The following CADM2 variants were observed in gnomAD, a reference collection of about 807,000 sequenced individuals.
The protein encoded by CADM2 is immunoglobulin superfamily member 4D.
CADM2 carries 12 observed loss-of-function variants against 49.8 expected under a neutral mutation model. The observed-to-expected ratio is 0.24, with a 90% CI of 0.15 to 0.39. The LOEUF (loss-of-function observed/expected upper bound fraction) is 0.39. Among genes scored for constraint, CADM2 ranks in the 10% least tolerant of loss-of-function variants. CADM2 has a pLI of 1.00. For missense variants in CADM2, 378 were observed against 492.3 expected, an observed-to-expected ratio of 0.77 and a Z score of 2.20; for synonymous variants, 214 against 175.4, an observed-to-expected ratio of 1.22 and a Z score of -1.74.
intron 1 of CADM2, among the ~76,000 whole-genome samples, chr3:85,541,692 G>C (rs1315798040): frequency 1.3e-4 from 19 of 141,530 alleles, no homozygotes; most frequent in Non-Finnish European, 2.4e-4. Flanking sequence ...ATTGTTGAGG[G>C]AATTAAATTA....
chr3:85,151,856 G>T (rs2039932278), intron 1 of CADM2, among the ~76,000 whole-genome samples: 1 of 152,110 alleles, frequency 6.6e-6, no homozygotes, highest in Non-Finnish European at 1.5e-5. Context: ...AGATTGACTT[G>T]AACAAATCAT....
intron 8 of CADM2, among the ~76,000 whole-genome samples, chr3:85,965,100 A>T (rs1725307117): frequency 6.6e-6 from 1 of 151,498 alleles, no homozygotes; most frequent in Admixed American, 6.6e-5. Flanking sequence ...TTATAGTTTA[A>T]TGTGGAATAT....
intron 1 of CADM2, among the ~76,000 whole-genome samples, chr3:85,507,168 C>A (rs1055134476): frequency 6.7e-6 from 1 of 149,686 alleles, no homozygotes; most frequent in Non-Finnish European, 1.5e-5. Flanking sequence ...GGTTTTTGCC[C>A]TGTCACCCAG....
chr3:85,440,757 C>T (rs9874491), intron 1 of CADM2, among the ~76,000 whole-genome samples: 25,215 of 151,942 alleles, frequency 0.17, 2,604 homozygotes, highest in Non-Finnish European at 0.23. Context: ...CTGAGGCAGG[C>T]GGATCACTTG....
At chr3:85,887,337 C>G (rs1432688694) in intron 5 of CADM2, among the ~76,000 whole-genome samples, 1 of 152,132 alleles carries the variant, frequency 6.6e-6, no homozygotes, top group Non-Finnish European at 1.5e-5. Context: ...CCTGCCTCAG[C>G]CTCCTAAAGT....
chr3:85,840,797 G>T (rs1309303169), intron 3 of CADM2, among the ~76,000 whole-genome samples: 2 of 151,640 alleles, frequency 1.3e-5, no homozygotes. Context: ...ATAGAACTTT[G>T]AAAATAATTA....
At chr3:85,428,651 A>C (rs926702190) in intron 1 of CADM2, among the ~76,000 whole-genome samples, 5 of 146,174 alleles carry the variant, frequency 3.4e-5, no homozygotes, top group African/African-American at 1.2e-4. Context: ...GAATTATATA[A>C]AATATATAAT....
chr3:85,675,238 A>C (rs1384452729), intron 1 of CADM2, among the ~76,000 whole-genome samples: 1 of 152,126 alleles, frequency 6.6e-6, no homozygotes, highest in African/African-American at 2.4e-5. Flanking sequence ...TGAAGGCTCC[A>C]AGTTTCCATT....
In CADM2 at chr3:86,018,475, C is replaced by T. The variant is rs1226396268; in HGVS notation, c.971-47130C>T. Reference sequence around the variant, plus strand: ...CACACTGACTTCCACAATGGTTTAACTAGTTTACAGTCCCACCAACAGTGT... The same window carrying T: ...CACACTGACTTCCACAATGGTTTAATTAGTTTACAGTCCCACCAACAGTGT... On this transcript the variant is annotated intron_variant, in intron 8 of 9. Coordinates refer to ENST00000383699, the MANE Select transcript of CADM2 (RefSeq NM_001167675.2). Among the ~76,000 whole-genome samples the T allele has an allele frequency of 6.6e-5, 10 of 152,128 alleles. No individual in the cohort carries two copies. In the East Asian group the frequency reaches 1.9e-3, roughly 30 times the overall value.
chr3:85,959,319 AC>A (rs1356781448), intron 7 of CADM2, among the ~76,000 whole-genome samples: 1 of 151,698 alleles, frequency 6.6e-6, no homozygotes, highest in East Asian at 2.0e-4. Context: ...AGCTCTCCAA[AC>A]CCTGCCCTTT....
intron 1 of CADM2, among the ~76,000 whole-genome samples, chr3:85,329,952 C>T (rs945091210): frequency 1.3e-5 from 2 of 151,962 alleles, no homozygotes; most frequent in African/African-American, 4.8e-5. Flanking sequence ...CTCCTTAATC[C>T]TTAAAAACAT....
At chr3:85,763,335 C>T (rs558132129) in intron 2 of CADM2, among the ~76,000 whole-genome samples, 1 of 152,296 alleles carries the variant, frequency 6.6e-6, no homozygotes, top group South Asian at 2.1e-4. Flanking sequence ...TTCTCCTTTA[C>T]TTCTGTAAGA....
chr3:85,452,058 GGCTTCTCATGT>G (rs1333685860), intron 1 of CADM2, among the ~76,000 whole-genome samples: 1 of 152,074 alleles, frequency 6.6e-6, no homozygotes, highest in Non-Finnish European at 1.5e-5. Flanking sequence ...CATTCTGTAA[GGCTTCTCATGT>G]GCTTCCGTCG....
chr3:85,338,186 C>A (rs1332814884), intron 1 of CADM2, among the ~76,000 whole-genome samples: 2 of 151,502 alleles, frequency 1.3e-5, no homozygotes, highest in East Asian at 1.9e-4. Context: ...GAACAGCAAG[C>A]CTTATCAGCT....
intron 1 of CADM2, among the ~76,000 whole-genome samples, chr3:85,092,948 T>C (rs2037653723): frequency 1.3e-5 from 2 of 152,210 alleles, no homozygotes; most frequent in Non-Finnish European, 2.9e-5. Context: ...GGTTTTATTG[T>C]CCTGTTTTAC....
At chr3:85,445,532 T>C (rs1400418274) in intron 1 of CADM2, among the ~76,000 whole-genome samples, 1 of 152,074 alleles carries the variant, frequency 6.6e-6, no homozygotes, top group African/African-American at 2.4e-5. Context: ...GATTAATATT[T>C]TTTGAAAAAC....
chr3:85,520,265 GATT>G (rs1254553761), intron 1 of CADM2, among the ~76,000 whole-genome samples: 1 of 151,726 alleles, frequency 6.6e-6, no homozygotes, highest in Non-Finnish European at 1.5e-5. Context: ...GTAGCATACA[GATT>G]ATTATATATT....
chr3:85,918,114 C>T (rs553493916), intron 6 of CADM2, among the ~76,000 whole-genome samples: 7 of 152,312 alleles, frequency 4.6e-5, no homozygotes, highest in African/African-American at 1.7e-4. Flanking sequence ...GACAATTTGA[C>T]TTCCTCTTTT....
chr3:85,248,666 T>A (rs113665723), intron 1 of CADM2, among the ~76,000 whole-genome samples: 4 of 152,236 alleles, frequency 2.6e-5, no homozygotes, highest in African/African-American at 9.6e-5. Flanking sequence ...TGATAGGTTG[T>A]GGTTTGTATA....
Sources: gnomAD v4.1 joint callset for allele counts (sites outside exome capture counted in the v4.1 genomes callset) on GRCh38, gnomAD v4.1.1 for gene constraint, MANE v1.5 for transcripts, NCBI Gene and HGNC (gene_info 2026-07-23, HGNC 2026-07-21) for gene names.